SPTB: variants seen among roughly 807,000 people sequenced by gnomAD.
SPTB encodes the protein spectrin beta, erythrocytic, also known as spectrin beta chain, erythrocytic.
SPTB carries 45 observed loss-of-function variants against 256.2 expected under a neutral mutation model. That is an observed-to-expected ratio of 0.18 (90% CI 0.14 to 0.23). The LOEUF is 0.23. Ranked by LOEUF, SPTB falls within the 10% of genes least tolerant of loss-of-function variation. The probability of loss-of-function intolerance (pLI) is 1.00; values close to 1 mark genes in which losing one functional copy is unlikely to be tolerated. For synonymous variants in SPTB, 1,231 were observed against 1,243.1 expected (o/e 0.99, Z 0.21); for missense variants, 2,715 against 3,040.4 (o/e 0.89, Z 2.52).
At chr14:64,838,403 A>G (rs2083557405) in intron 1 of SPTB, among the ~76,000 whole-genome samples, 1 of 152,224 alleles carries the variant, frequency 6.6e-6, no homozygotes, top group South Asian at 2.1e-4. Context: ...CAGGTATCAT[A>G]AAAGAAAGAT....
chr14:64,822,360 T>TATCTCTCC (rs1246321273), intron 2 of SPTB, among the ~76,000 whole-genome samples: 1 of 1,814 alleles, frequency 5.5e-4, no homozygotes, highest in African/African-American at 2.2e-3. Context: ...CTTCTCTCTC[T>TATCTCTCC]CTCTCTCTCT....
At chr14:64,840,184 T>C (rs2083585394) in intron 1 of SPTB, among the ~76,000 whole-genome samples, 1 of 152,242 alleles carries the variant, frequency 6.6e-6, no homozygotes, top group Non-Finnish European at 1.5e-5. Flanking sequence ...CTCCATGATG[T>C]ACCCATTCAG....
rs2083349521 is a variant in SPTB, at chr14:64,824,678, A to T, written c.-51-1533T>A. 6.6e-6 allele frequency among the ~76,000 whole-genome samples: 1 copy of T among 152,090 alleles called. No homozygotes were observed. The highest frequency in any genetic ancestry group is 6.5e-5 in the Admixed American group (1 of 15,272). ...ACTCCCTCTGTGGGTGTGTGCACCC[A>T]CGGCACACACACAGGCTCATATCTG... On this transcript the variant is annotated intron_variant, in intron 1 of 35. Coordinates refer to ENST00000644917, the MANE Select transcript of SPTB (RefSeq NM_001355436.2). This position sits in a 1 kb window ranked among gnomAD's most constrained non-coding sequence, Gnocchi z 5.7.
intron 32 of SPTB, among the ~76,000 whole-genome samples, chr14:64,765,907 G>GT (rs1390733037): frequency 6.0e-5 from 9 of 150,738 alleles, no homozygotes; most frequent in African/African-American, 2.0e-4. Flanking sequence ...GTGTGTGTGT[G>GT]GGGGTGTGGT....
rs1441151530 is a variant in SPTB at position 64,806,853 on chromosome 14, G to C, written c.149-1763C>G. Among the ~76,000 whole-genome samples the C allele has an allele frequency of 7.1e-6, 1 of 141,764 alleles. No individual in the cohort carries two copies. The highest frequency in any genetic ancestry group is 1.5e-5 in the Non-Finnish European group (1 of 66,344). The allele number at this position is 141,764 out of a possible 152,430, so 93.0% of individuals were successfully genotyped here. A position where few individuals can be genotyped will look rare whatever the true frequency, so the allele number is the denominator to read the frequency against. ...CATCTAAATAAGACTTCCAAGAAGA[G>C]GAAAAGTACTACTACTGACTGTGAA... On this transcript the variant is annotated intron_variant, in intron 2 of 35. Transcript: ENST00000644917. This position sits in a 1 kb window ranked among gnomAD's most constrained non-coding sequence, Gnocchi z 4.1.
At position 64,787,049 on chromosome 14, in the gene SPTB, G is replaced by C. The variant is rs2082584474; in HGVS notation, c.2916C>G (p.Asp972Glu). The change falls in exon 16 of 36, where the codon GAC becomes GAG. Residue 972 changes from aspartate (D) to glutamate (E), a missense_variant. Asp to Glu is a conservative substitution (Grantham distance 45, BLOSUM62 2). Transcript: ENST00000644917. ...TTGTGGACTCCACTACCTTTGTCTTGTCCGTGATCCACTTGCTGGTCTCCT... is the reference window on the plus strand; with the variant it reads ...TTGTGGACTCCACTACCTTTGTCTTCTCCGTGATCCACTTGCTGGTCTCCT... ...DCEETSKWIT[D>E]KTKVVESTKD... The C allele has an allele frequency of 1.9e-6, 3 of 1,613,802 alleles. No individual in the cohort carries two copies. Among genetic ancestry groups the C allele is most frequent in the Admixed American group, 1.7e-5 (1 of 59,994 alleles).
intron 1 of SPTB, among the ~76,000 whole-genome samples, chr14:64,855,691 T>C (rs536710355): frequency 1.3e-5 from 2 of 152,240 alleles, no homozygotes; most frequent in Admixed American, 6.5e-5. Context: ...CTTGTTGATA[T>C]TGGAACCACA....
rs1024915785 is a variant in SPTB, at chr14:64,749,129, G to A, written c.*177C>T. On this transcript the variant is annotated 3_prime_UTR_variant, in exon 36 of 36. Coordinates refer to ENST00000644917, the MANE Select transcript of SPTB (RefSeq NM_001355436.2). The surrounding 1 kb of genome is among the most constrained non-coding windows in gnomAD (Gnocchi z 4.7). ...GCGCGGGCGAGGGCATGGAGGGGGC[G>A]TCGGCCCAGGACACGCGGGCGAAGG... is the stretch of plus-strand genomic sequence containing the variant. 10 of 661,804 alleles carry A rather than the reference G, an allele frequency of 1.5e-5. No individual in the cohort carries two copies. Among genetic ancestry groups the A allele is most frequent in the East Asian group, 6.7e-5 (2 of 29,644 alleles). The allele number at this position is 661,804 out of a possible 1,614,324, so 41.0% of individuals were successfully genotyped here. A position where few individuals can be genotyped will look rare whatever the true frequency, so the allele number is the denominator to read the frequency against.
chr14:64,848,072 C>T (rs1191243022), intron 1 of SPTB, among the ~76,000 whole-genome samples: 1 of 152,182 alleles, frequency 6.6e-6, no homozygotes, highest in African/African-American at 2.4e-5. Context: ...CTTCCAGCGA[C>T]TCACCATCTT....
At chr14:64,817,746 AG>A (rs1391272048) in intron 2 of SPTB, among the ~76,000 whole-genome samples, 1 of 152,248 alleles carries the variant, frequency 6.6e-6, no homozygotes, top group Non-Finnish European at 1.5e-5. Context: ...ACATGTCCTG[AG>A]GACACTCTCA....
chr14:64,801,000 T>C (rs1390684471), intron 7 of SPTB, 132 bp from the exon 8 acceptor site: 3 of 756,234 alleles, frequency 4.0e-6, no homozygotes, highest in Non-Finnish European at 7.1e-6. Flanking sequence ...AGAGCAAGAA[T>C]GGAAGAGTGT....
rs549515158 is a variant in SPTB at position 64,785,892 on chromosome 14, G to A, written c.3621C>T (p.Ile1207=). Residue 1207 remains isoleucine (I), a synonymous_variant, in exon 17 of 36, where the codon ATC becomes ATT. Transcript: ENST00000644917. The surrounding 1 kb of genome is among the most constrained non-coding windows in gnomAD (Gnocchi z 4.4). Reference sequence around the variant, plus strand: ...ACCCCAAGAAATCCTCAAACTTCCGGATCCCAGCCTCTGCAGCTTCCAGGG... The same window carrying A: ...ACCCCAAGAAATCCTCAAACTTCCGAATCCCAGCCTCTGCAGCTTCCAGGG... ...PDSLEAAEAG[I]RKFEDFLGSM... is the part of the protein sequence containing the mutation. 6.2e-7 allele frequency: 1 copy of A among 1,614,042 alleles called. No individual in the cohort carries two copies. The highest frequency in any genetic ancestry group is 8.5e-7 in the Non-Finnish European group (1 of 1,180,014).
chr14:64,830,330 G>C (rs1352290176), intron 1 of SPTB, among the ~76,000 whole-genome samples: 1 of 122,590 alleles, frequency 8.2e-6, no homozygotes, highest in Non-Finnish European at 1.7e-5. Flanking sequence ...TCAAACTCTG[G>C]AGTCTTATTA....
At chr14:64,769,756 G>C in intron 27 of SPTB, 28 bp from the exon 28 acceptor site, 1 of 1,613,978 alleles carries the variant, frequency 6.2e-7, no homozygotes, top group Non-Finnish European at 8.5e-7. Context: ...AAGGGAAGAA[G>C]GGAACTCTGG....
intron 2 of SPTB, among the ~76,000 whole-genome samples, chr14:64,820,969 C>T (rs929158956): frequency 1.3e-4 from 20 of 152,236 alleles, no homozygotes; most frequent in African/African-American, 4.1e-4. Context: ...TGAGCTACCA[C>T]GCCCGGCTTT....
Position 64,831,796 on chromosome 14 carries a change from C to T in SPTB, c.-51-8651G>A, listed in dbSNP as rs1333272981. ...ATGCAGTGAATGAACACGTGGAGGG[C>T]ACATGGCAATGCTGGAGGATCATAG... is the stretch of plus-strand genomic sequence containing the variant. On this transcript the variant is annotated intron_variant, in intron 1 of 35. Coordinates refer to ENST00000644917, the MANE Select transcript of SPTB (RefSeq NM_001355436.2). Among the ~76,000 whole-genome samples, 3 of 152,174 alleles carry T rather than the reference C, an allele frequency of 2.0e-5. No homozygotes were observed. In the East Asian group the frequency reaches 5.8e-4, roughly 29 times the overall value.
chr14:64,753,400 T>G, intron 33 of SPTB, 137 bp downstream of exon 33: 2 of 1,304,006 alleles, frequency 1.5e-6, no homozygotes, highest in South Asian at 1.3e-5. Flanking sequence ...CCCAGAGGGG[T>G]GTCTAGGAGC....
At chr14:64,801,513 G>T in intron 6 of SPTB, 113 bp from the exon 7 acceptor site, 1 of 870,586 alleles carries the variant, frequency 1.1e-6, no homozygotes, top group Non-Finnish European at 1.9e-6. Context: ...CAGGCAGGAG[G>T]AGTGAAAGGA....
chr14:64,786,583 T>C lies in SPTB; in HGVS notation c.3382A>G (p.Ile1128Val), dbSNP rs755679221. 4.3e-5 allele frequency: 69 copies of C among 1,613,952 alleles called. No individual in the cohort carries two copies. The South Asian group carries it at 6.5e-4, about 15-fold the overall frequency. Residue 1128 changes from isoleucine (I) to valine (V), a missense_variant, in exon 16 of 36, where the codon ATC becomes GTC. Coordinates refer to ENST00000644917, the MANE Select transcript of SPTB (RefSeq NM_001355436.2). The surrounding 1 kb of genome is among the most constrained non-coding windows in gnomAD (Gnocchi z 5.6). ...TACTCTGGGTCCGTCTGGCCTTGGA[T>C]CACTTTCTCCCCAGACTCCTTAACA... ...QRVKESGEKVIQGQTDPEYLL... is the reference protein window; with the variant it reads ...QRVKESGEKVVQGQTDPEYLL...
Sources: gnomAD v4.1 joint callset for allele counts (sites outside exome capture counted in the v4.1 genomes callset) on GRCh38, gnomAD v4.1.1 for gene constraint, Gnocchi (gnomAD v3.1) non-coding constraint, MANE v1.5 for transcripts, NCBI Gene and HGNC (gene_info 2026-07-23, HGNC 2026-07-21) for gene names.